YIPF1: variants seen among roughly 807,000 people sequenced by gnomAD.
The protein encoded by YIPF1 is Yip1 domain family member 1.
YIPF1 carries 22 observed loss-of-function variants against 37.0 expected under a neutral mutation model. The ratio of observed to expected loss-of-function variants is 0.59; its 90% confidence interval spans 0.42 to 0.85. The LOEUF is 0.85. Ranked by LOEUF, YIPF1 falls within the 40% of genes least tolerant of loss-of-function variation. YIPF1 has a pLI of 0.00. For missense variants in YIPF1, 355 were observed against 373.1 expected (o/e 0.95, Z 0.40); for synonymous variants, 128 against 131.9 (o/e 0.97, Z 0.21).
At chr1:53,877,394 A>G (rs1650361749) in intron 6 of YIPF1, among the ~76,000 whole-genome samples, 1 of 152,182 alleles carries the variant, frequency 6.6e-6, no homozygotes, top group South Asian at 2.1e-4. Flanking sequence ...CAGCTTCCTC[A>G]TTTGAAAAGT....
chr1:53,857,023 T>C (rs141687462), intron 10 of YIPF1, among the ~76,000 whole-genome samples: 97 of 152,314 alleles, frequency 6.4e-4, no homozygotes, highest in African/African-American at 2.1e-3. Flanking sequence ...TCTCCCTTTA[T>C]GGCTTTGATG....
intron 6 of YIPF1, among the ~76,000 whole-genome samples, chr1:53,875,902 C>T (rs1243280442): frequency 6.6e-6 from 1 of 152,206 alleles, no homozygotes; most frequent in African/African-American, 2.4e-5. Flanking sequence ...ATTAAATTTT[C>T]ACCTAAGCAT....
At position 53,858,382 on chromosome 1, in the gene YIPF1, A is replaced by G. The variant is rs190497447; in HGVS notation, c.*8+1674T>C. 4.8e-3 allele frequency among the ~76,000 whole-genome samples: 728 copies of G among 152,296 alleles called. 5 individuals carry two copies. Among genetic ancestry groups the G allele is most frequent in the African/African-American group, 0.015 (635 of 41,546 alleles). ...TCCCCATTTGTTTTACAAAAAGGAA[A>G]AAATGATCAAGGTAAAGTCAGTGGG... is the stretch of plus-strand genomic sequence containing the variant. On this transcript the variant is annotated intron_variant, in intron 10 of 10. Transcript: ENST00000072644.
chr1:53,859,813 C>T (rs962743645), intron 10 of YIPF1, among the ~76,000 whole-genome samples: 7 of 150,302 alleles, frequency 4.7e-5, no homozygotes, highest in African/African-American at 1.8e-4. Context: ...GCTCCTCTTA[C>T]AGAAGAACCT....
chr1:53,878,287 A>G, intron 6 of YIPF1, 28 bp downstream of exon 6: 2 of 1,608,096 alleles, frequency 1.2e-6, no homozygotes, highest in Non-Finnish European at 1.7e-6. Flanking sequence ...CAACTGAAAT[A>G]CGGTAAACAA....
intron 6 of YIPF1, among the ~76,000 whole-genome samples, chr1:53,872,317 T>C (rs907714550): frequency 1.3e-5 from 2 of 152,152 alleles, no homozygotes; most frequent in African/African-American, 4.8e-5. Flanking sequence ...TGTGTATATG[T>C]GCATATTTTA....
At chr1:53,856,377 C>T (rs1649718748) in intron 10 of YIPF1, among the ~76,000 whole-genome samples, 1 of 152,178 alleles carries the variant, frequency 6.6e-6, no homozygotes, top group Non-Finnish European at 1.5e-5. Flanking sequence ...GAGAGAGACC[C>T]TCAACATGGC....
intron 3 of YIPF1, among the ~76,000 whole-genome samples, chr1:53,884,605 G>A (rs1484126632): frequency 6.6e-6 from 1 of 152,112 alleles, no homozygotes; most frequent in Admixed American, 6.5e-5. Context: ...AAAGCTTTTT[G>A]GGGGGCAGCC....
intron 6 of YIPF1, among the ~76,000 whole-genome samples, chr1:53,874,463 T>G (rs1307757481): frequency 1.3e-5 from 2 of 152,158 alleles, no homozygotes; most frequent in Non-Finnish European, 2.9e-5. Flanking sequence ...ACCTAGCATG[T>G]CACTTTTAAA....
intron 6 of YIPF1, among the ~76,000 whole-genome samples, chr1:53,873,479 TAGA>T (rs1650246953): frequency 6.6e-6 from 1 of 152,012 alleles, no homozygotes; most frequent in African/African-American, 2.4e-5. Context: ...TGAAGGGTCT[TAGA>T]AGCCCTGTTG....
chr1:53,866,909 G>T lies in YIPF1; in HGVS notation c.497C>A (p.Thr166Asn), dbSNP rs1025695080. The change falls in exon 8 of 11, where the codon ACC becomes AAC. Residue 166 changes from threonine to asparagine, a missense_variant. Thr to Asn is a moderately conservative substitution (Grantham distance 65). Coordinates refer to ENST00000072644, the MANE Select transcript of YIPF1 (RefSeq NM_018982.5). ...PEFRKVSIAATIIYAYAWLVP... is the reference protein window; with the variant it reads ...PEFRKVSIAANIIYAYAWLVP... ...CAGCCAGGCATAGGCATAGATGATG[G>T]TAGCTGCTATGGACACTGAGGATGA... 1.2e-6 allele frequency: 2 copies of T among 1,612,520 alleles called. No homozygotes were observed. The highest frequency in any genetic ancestry group is 1.7e-6 in the Non-Finnish European group (2 of 1,179,350).
intron 9 of YIPF1, among the ~76,000 whole-genome samples, chr1:53,863,033 A>G (rs1012689629): frequency 6.6e-6 from 1 of 152,094 alleles, no homozygotes; most frequent in African/African-American, 2.4e-5. Context: ...CTGGCTAGAC[A>G]CCTGACCACG....
intron 6 of YIPF1, among the ~76,000 whole-genome samples, chr1:53,876,833 T>C (rs1650348768): frequency 6.6e-6 from 1 of 152,190 alleles, no homozygotes; most frequent in Non-Finnish European, 1.5e-5. Context: ...ATAATAAGCA[T>C]TATATGTGTG....
chr1:53,863,972 G>A (rs935750355), intron 9 of YIPF1, among the ~76,000 whole-genome samples: 5 of 152,116 alleles, frequency 3.3e-5, no homozygotes, highest in Admixed American at 6.5e-5. Context: ...GAACTCCTGA[G>A]TTCAAGCCAT....
At chr1:53,879,714 T>A (rs1650437695) in intron 4 of YIPF1, among the ~76,000 whole-genome samples, 1 of 152,178 alleles carries the variant, frequency 6.6e-6, no homozygotes, top group Non-Finnish European at 1.5e-5. Flanking sequence ...TAGGCAGATA[T>A]TTTTTGTTCA....
chr1:53,880,644 C>A (rs1211222285), intron 4 of YIPF1, among the ~76,000 whole-genome samples: 2 of 152,180 alleles, frequency 1.3e-5, no homozygotes, highest in African/African-American at 4.8e-5. Flanking sequence ...AGGCATCATG[C>A]TACCTGACTT....
chr1:53,873,547 T>A (rs1321406391), intron 6 of YIPF1, among the ~76,000 whole-genome samples: 2 of 152,128 alleles, frequency 1.3e-5, no homozygotes, highest in East Asian at 3.9e-4. Context: ...GCCTGGTGGC[T>A]TAAGCCTGTA....
Position 53,871,329 on chromosome 1 carries a change from T to C in YIPF1, c.481+43A>G, listed in dbSNP as rs757339669. On this transcript the variant is annotated intron_variant, in intron 7 of 10. Transcript: ENST00000072644. ...TCAGTGGGTAAAAAGAACTCAAAGC[T>C]AGAAACTGACAGCATTCCAAATGAG... is the stretch of plus-strand genomic sequence containing the variant. 15 of 1,575,124 alleles carry C rather than the reference T, an allele frequency of 9.5e-6. 1 individual carries two copies. In the South Asian group the frequency reaches 1.3e-4, roughly 14 times the overall value.
intron 9 of YIPF1, among the ~76,000 whole-genome samples, chr1:53,864,324 C>A (rs1649963579): frequency 6.6e-6 from 1 of 152,360 alleles, no homozygotes; most frequent in Non-Finnish European, 1.5e-5. Flanking sequence ...AAGGGATCAA[C>A]TCAGAGATTC....
Sources: gnomAD v4.1 joint callset for allele counts (sites outside exome capture counted in the v4.1 genomes callset) on GRCh38, gnomAD v4.1.1 for gene constraint, MANE v1.5 for transcripts, NCBI Gene and HGNC (gene_info 2026-07-23, HGNC 2026-07-21) for gene names.